Variants in GLIPR1 observed in about 807,000 individuals in gnomAD.
GLIPR1 encodes the protein glioma pathogenesis-related protein 1.
Under a neutral mutation model 30.3 loss-of-function variants are expected in GLIPR1, and 38 were observed. That is an observed-to-expected ratio of 1.26 (90% CI 0.97 to 1.65). The LOEUF is 1.65. Among genes scored for constraint, GLIPR1 ranks in the 40% most tolerant of loss-of-function variants. The pLI is 0.00. For missense variants in GLIPR1, 285 were observed against 326.5 expected, an observed-to-expected ratio of 0.87 and a Z score of 0.98; for synonymous variants, 122 against 110.6, an observed-to-expected ratio of 1.10 and a Z score of -0.65.
chr12:75,501,517 T>G lies in GLIPR1; in HGVS notation c.*2539T>G, dbSNP rs1261665284. 2 of 531,610 alleles carry G rather than the reference T, an allele frequency of 3.8e-6. No individual in the cohort carries two copies. The highest frequency in any genetic ancestry group is 3.1e-5 in the East Asian group (1 of 31,978). 32.9% of individuals were successfully genotyped at this position (531,610 alleles called of 1,614,324 possible). A position where few individuals can be genotyped will look rare whatever the true frequency, so the allele number is the denominator to read the frequency against. On this transcript the variant is annotated 3_prime_UTR_variant, in exon 6 of 6. Coordinates refer to ENST00000266659, the MANE Select transcript of GLIPR1 (RefSeq NM_006851.3). ...CAGACCAGAGGTCAGGAGAGGACTG[T>G]CAATCCAGTTTGCACTGAAATAGGC...
At chr12:75,491,916 T>A (rs2046325811) in intron 3 of GLIPR1, 1 of 152,172 alleles carries the variant, frequency 6.6e-6, no homozygotes, top group Non-Finnish European at 1.5e-5. Context: ...CCTGGTGTAA[T>A]GTGCAGAAGA....
At chr12:75,490,550 ACG>A (rs770331455) in intron 3 of GLIPR1, 32 bp downstream of exon 3, 1 of 67,834 alleles carries the variant, frequency 1.5e-5, no homozygotes, top group Admixed American at 2.6e-4. Context: ...TTTATAGGAA[ACG>A]CCCCCCCCCC....
chr12:75,480,970 T>C lies in GLIPR1; in HGVS notation c.90T>C (p.Asn30=), dbSNP rs140080162. 8 of 1,613,714 alleles carry C rather than the reference T, an allele frequency of 5.0e-6. No individual in the cohort carries two copies. In the African/African-American group the frequency reaches 8.0e-5, roughly 16 times the overall value. ...CAAATATTTTGCCAGATATCGAAAA[T>C]GAAGATTTCATCAAAGACTGCGTTC... ...HTANILPDIE[N]EDFIKDCVRI... The change falls in exon 1 of 6, where the codon AAT becomes AAC. Residue 30 remains asparagine (N), a synonymous_variant. Transcript: ENST00000266659.
In GLIPR1 at chr12:75,499,777, G is replaced by C; in HGVS notation, c.*799G>C. The C allele has an allele frequency of 6.5e-7, 1 of 1,528,788 alleles. No individual in the cohort carries two copies. The highest frequency in any genetic ancestry group is 8.8e-7 in the Non-Finnish European group (1 of 1,134,612). The allele number at this position is 1,528,788 out of a possible 1,614,324, so 94.7% of individuals were successfully genotyped here. ...GATATCTCAAAATCCTTTACAAAAG[G>C]AGATAGTTCTAGTCAAGGAGTTTTG... On this transcript the variant is annotated 3_prime_UTR_variant, in exon 6 of 6. Transcript: ENST00000266659.
chr12:75,492,907 C>CT (rs1044550180), intron 3 of GLIPR1: 2 of 152,118 alleles, frequency 1.3e-5, no homozygotes, highest in Non-Finnish European at 2.9e-5. Context: ...GGCAAGGCCC[C>CT]TGTTTAGAAT....
chr12:75,484,145 A>G (rs917687832), intron 2 of GLIPR1: 2 of 152,182 alleles, frequency 1.3e-5, no homozygotes, highest in African/African-American at 4.8e-5. Context: ...ATACATACAG[A>G]TATTAAAACC....
chr12:75,498,831 C>T lies in GLIPR1; in HGVS notation c.654C>T (p.Tyr218=), dbSNP rs922451076. 6.2e-7 allele frequency: 1 copy of T among 1,612,200 alleles called. No homozygotes were observed. The highest frequency in any genetic ancestry group is 8.5e-7 in the Non-Finnish European group (1 of 1,178,606). Residue 218 remains tyrosine (Y), a synonymous_variant, in exon 6 of 6, where the codon TAC becomes TAT. Coordinates refer to ENST00000266659, the MANE Select transcript of GLIPR1 (RefSeq NM_006851.3). Reference sequence around the variant, plus strand: ...TCTATGTTTGTTTCACAGGTTACTACTCTGTTGTATATCCAGGCTGGCCCA... The same window carrying T: ...TCTATGTTTGTTTCACAGGTTACTATTCTGTTGTATATCCAGGCTGGCCCA... ...NRQRDQVKRY[Y]SVVYPGWPIY...
At chr12:75,494,210 T>A (rs2046337939) in intron 3 of GLIPR1, 1 of 152,114 alleles carries the variant, frequency 6.6e-6, no homozygotes, top group Non-Finnish European at 1.5e-5. Flanking sequence ...AAGGTGAGAG[T>A]TCTCAACTTT....
At chr12:75,488,588 A>T (rs2046304385) in intron 2 of GLIPR1, among the ~76,000 whole-genome samples, 1 of 152,184 alleles carries the variant, frequency 6.6e-6, no homozygotes, top group Non-Finnish European at 1.5e-5. Flanking sequence ...CACAACACCA[A>T]GATGGAGTTG....
At chr12:75,490,233 A>ACCCC (rs71078739) in intron 2 of GLIPR1, among the ~76,000 whole-genome samples, 173 bp from the exon 3 acceptor site, 1 of 145,286 alleles carries the variant, frequency 6.9e-6, no homozygotes, top group Non-Finnish European at 1.5e-5. Context: ...ACACACACAC[A>ACCCC]CCCCAATAAT....
Position 75,500,957 on chromosome 12 carries a change from TGTA to T in GLIPR1, c.*1983_*1985del, listed in dbSNP as rs2046389813. 3 of 152,196 alleles carry T rather than the reference TGTA, an allele frequency of 2.0e-5. No individual in the cohort carries two copies. The East Asian group carries it at 5.8e-4, about 29-fold the overall frequency. The allele number at this position is 152,196 out of a possible 1,614,324, so 9.4% of individuals were successfully genotyped here. A position where few individuals can be genotyped will look rare whatever the true frequency, so the allele number is the denominator to read the frequency against. On this transcript the variant is annotated 3_prime_UTR_variant, in exon 6 of 6. Transcript: ENST00000266659. ...ATATAACCAATAATCTACCATAGAATGTAGTATTTTTAAAGCTATTAACAAGCA... is the reference window on the plus strand; with the variant it reads ...ATATAACCAATAATCTACCATAGAATGTATTTTTAAAGCTATTAACAAGCA...
At chr12:75,482,947 A>G (rs1003881639) in intron 2 of GLIPR1, among the ~76,000 whole-genome samples, 2 of 152,104 alleles carry the variant, frequency 1.3e-5, no homozygotes, top group African/African-American at 4.8e-5. Flanking sequence ...GGCACAAAAA[A>G]TCAGTTGAAA....
intron 2 of GLIPR1, among the ~76,000 whole-genome samples, chr12:75,483,012 T>C (rs961273898): frequency 2.0e-5 from 3 of 152,162 alleles, no homozygotes; most frequent in African/African-American, 7.2e-5. Flanking sequence ...AAACATTAGG[T>C]GGTTTTAAGG....
Position 75,481,357 on chromosome 12 carries a change from CTTTTTTT to C in GLIPR1, c.174+316_174+322del, listed in dbSNP as rs72137011. 435 of 145,950 alleles carry C rather than the reference CTTTTTTT, an allele frequency of 3.0e-3. 2 individuals are homozygous for C. The highest frequency in any genetic ancestry group is 4.6e-3 in the Non-Finnish European group (330 of 71,840). 9.0% of individuals were successfully genotyped at this position (145,950 alleles called of 1,614,324 possible). A position where few individuals can be genotyped will look rare whatever the true frequency, so the allele number is the denominator to read the frequency against. ...CTGTTAATTTTTGTGATTTGGTTTT[CTTTTTTT>C]TTTTTTTTTTTTGTCTCTAAATTTA... On this transcript the variant is annotated intron_variant, in intron 1 of 5. Coordinates refer to ENST00000266659, the MANE Select transcript of GLIPR1 (RefSeq NM_006851.3).
chr12:75,485,827 T>C (rs1387514748), intron 2 of GLIPR1, among the ~76,000 whole-genome samples: 1 of 152,174 alleles, frequency 6.6e-6, no homozygotes, highest in African/African-American at 2.4e-5. Flanking sequence ...TATACTCGCA[T>C]AGAACCATGG....
At chr12:75,492,773 GTC>G (rs976254140) in intron 3 of GLIPR1, 13 of 152,184 alleles carry the variant, frequency 8.5e-5, no homozygotes, top group Admixed American at 7.9e-4. Context: ...GAACAGGGCA[GTC>G]TCTGTCTTTA....
At chr12:75,490,551 C>CGGGGGGGGGGGGGGGGGGGG in intron 3 of GLIPR1, 33 bp downstream of exon 3, 3 of 117,276 alleles carry the variant, frequency 2.6e-5, no homozygotes, top group Non-Finnish European at 1.4e-5. Context: ...TTATAGGAAA[C>CGGGGGGGGGGGGGGGGGGGG]GCCCCCCCCC....
In GLIPR1 at chr12:75,499,815, T is replaced by TTTTTTCTTC. The variant is rs762601194; in HGVS notation, c.*846_*854dup. ...TCAAGGAGTTTTGGGTATGTTACTT[T>TTTTTTCTTC]TTTTTCTTCTTTTTCTTTTCATCTG... is the stretch of plus-strand genomic sequence containing the variant. On this transcript the variant is annotated 3_prime_UTR_variant, in exon 6 of 6. Coordinates refer to ENST00000266659, the MANE Select transcript of GLIPR1 (RefSeq NM_006851.3). 1.3e-6 allele frequency: 2 copies of TTTTTTCTTC among 1,598,678 alleles called. No homozygotes were observed. Among genetic ancestry groups the TTTTTTCTTC allele is most frequent in the African/African-American group, 2.7e-5 (2 of 73,838 alleles).
At position 75,491,958 on chromosome 12, in the gene GLIPR1, T is replaced by A. The variant is rs1234136705; in HGVS notation, c.533+1440T>A. On this transcript the variant is annotated intron_variant, in intron 3 of 5. Transcript: ENST00000266659. ...CGATACTCTGACTGAGTGCTGTAGG[T>A]GTGAAGGAGGAGACAAAGCGTCATT... 2.0e-5 allele frequency: 3 copies of A among 152,184 alleles called. No individual in the cohort carries two copies. The East Asian group carries it at 5.8e-4, about 29-fold the overall frequency. The allele number at this position is 152,184 out of a possible 1,614,324, so 9.4% of individuals were successfully genotyped here. A position where few individuals can be genotyped will look rare whatever the true frequency, so the allele number is the denominator to read the frequency against.
Sources: gnomAD v4.1 joint callset for allele counts (sites outside exome capture counted in the v4.1 genomes callset) on GRCh38, gnomAD v4.1.1 for gene constraint, MANE v1.5 for transcripts, NCBI Gene and HGNC (gene_info 2026-07-23, HGNC 2026-07-21) for gene names.